Variants in SH3GL3 observed in about 807,000 individuals in gnomAD.
The protein encoded by SH3GL3 is endophilin-A3.
A neutral mutation model predicts 47.7 loss-of-function variants in SH3GL3; 33 were observed. The observed-to-expected ratio is 0.69, with a 90% CI of 0.52 to 0.92. The LOEUF (loss-of-function observed/expected upper bound fraction) is 0.92. Ranked by LOEUF, SH3GL3 falls within the 40% of genes least tolerant of loss-of-function variation. The pLI is 0.00. For missense variants in SH3GL3, 363 were observed against 417.8 expected, an observed-to-expected ratio of 0.87 and a Z score of 1.14; for synonymous variants, 155 against 148.8, an observed-to-expected ratio of 1.04 and a Z score of -0.30.
intron 1 of SH3GL3, among the ~76,000 whole-genome samples, chr15:83,489,811 G>A (rs1239242157): frequency 6.6e-6 from 1 of 151,690 alleles, no homozygotes; most frequent in Non-Finnish European, 1.5e-5. Flanking sequence ...TATTGTTGGT[G>A]CAGTTTAGTA....
intron 1 of SH3GL3, among the ~76,000 whole-genome samples, chr15:83,488,583 G>A (rs936907837): frequency 4.6e-5 from 7 of 152,210 alleles, no homozygotes; most frequent in Non-Finnish European, 1.0e-4. Context: ...TTACTTTCAT[G>A]CGGGGGAAAA....
the SH3GL3 span, among the ~76,000 whole-genome samples, chr15:83,626,537 G>C: frequency 6.6e-6 from 1 of 152,170 alleles, no homozygotes; most frequent in South Asian, 2.1e-4. Context: ...TCCAGTATTG[G>C]CTTCTCCAGG....
intron 6 of SH3GL3, among the ~76,000 whole-genome samples, chr15:83,585,461 A>G (rs1232286742): frequency 6.6e-6 from 1 of 152,228 alleles, no homozygotes; most frequent in African/African-American, 2.4e-5. Context: ...GGGTAATAAG[A>G]CAGGGCAAAT....
chr15:83,592,494 T>A (rs975503978), intron 8 of SH3GL3, among the ~76,000 whole-genome samples: 1 of 145,688 alleles, frequency 6.9e-6, no homozygotes, highest in East Asian at 2.1e-4. Context: ...GTAGTCAAAA[T>A]GCTAAGACCC....
At chr15:83,625,520 T>C in the SH3GL3 span, among the ~76,000 whole-genome samples, 1 of 152,204 alleles carries the variant, frequency 6.6e-6, no homozygotes, top group Non-Finnish European at 1.5e-5. Context: ...GCCAGTCAAA[T>C]TCTTCCCCAG....
At chr15:83,629,991 GT>G in the SH3GL3 span, among the ~76,000 whole-genome samples, 1 of 152,200 alleles carries the variant, frequency 6.6e-6, no homozygotes, top group Non-Finnish European at 1.5e-5. Context: ...CCAGTGAGAG[GT>G]AATTGAATCG....
chr15:83,609,551 T>C, intron 8 of SH3GL3: 1 of 312,628 alleles, frequency 3.2e-6, no homozygotes, highest in Non-Finnish European at 6.4e-6. Flanking sequence ...TCTCTCTCCA[T>C]CCCCTTTGCC....
At chr15:83,548,415 A>G (rs1232767449) in intron 1 of SH3GL3, among the ~76,000 whole-genome samples, 1 of 150,426 alleles carries the variant, frequency 6.6e-6, no homozygotes, top group Admixed American at 6.6e-5. Context: ...ATAAATGTGT[A>G]TATATATAAT....
intron 1 of SH3GL3, among the ~76,000 whole-genome samples, chr15:83,508,459 G>A (rs1196692723): frequency 6.6e-6 from 1 of 152,116 alleles, no homozygotes; most frequent in East Asian, 1.9e-4. Flanking sequence ...AGTCAAGGTT[G>A]GTTAGGGAGG....
At chr15:83,465,877 T>C (rs1211615379) in intron 1 of SH3GL3, among the ~76,000 whole-genome samples, 2 of 152,200 alleles carry the variant, frequency 1.3e-5, no homozygotes, top group Non-Finnish European at 2.9e-5. Context: ...TACCAATCTC[T>C]TGTATCCTTT....
intron 1 of SH3GL3, among the ~76,000 whole-genome samples, chr15:83,544,561 A>G (rs11635365): frequency 0.39 from 59,205 of 151,906 alleles, 12,080 homozygotes; most frequent in African/African-American, 0.49. Context: ...TATAGTCTGT[A>G]TTTGTCTATG....
At chr15:83,526,186 G>A (rs892642939) in intron 1 of SH3GL3, among the ~76,000 whole-genome samples, 1 of 152,136 alleles carries the variant, frequency 6.6e-6, no homozygotes, top group East Asian at 1.9e-4. Flanking sequence ...ATGCTGGTGA[G>A]GTTGAGGAGA....
intron 2 of SH3GL3, among the ~76,000 whole-genome samples, chr15:83,563,153 A>G (rs1436612168): frequency 2.0e-5 from 3 of 152,218 alleles, no homozygotes; most frequent in African/African-American, 7.2e-5. Context: ...CTAAATTACA[A>G]AAATGATTTG....
Position 83,447,448 on chromosome 15 carries a change from C to T in SH3GL3, c.-86C>T. 1.7e-6 allele frequency: 2 copies of T among 1,210,700 alleles called. No individual in the cohort carries two copies. Among genetic ancestry groups the T allele is most frequent in the Non-Finnish European group, 2.2e-6 (2 of 928,266 alleles). The allele number at this position is 1,210,700 out of a possible 1,614,324, so 75.0% of individuals were successfully genotyped here. A position where few individuals can be genotyped will look rare whatever the true frequency, so the allele number is the denominator to read the frequency against. Reference sequence around the variant, plus strand: ...CGGAGCCCAGCCGCGGGGGGACCGGCCCGGGCTCCCGCTCCCCGAGCGCGT... The same window carrying T: ...CGGAGCCCAGCCGCGGGGGGACCGGTCCGGGCTCCCGCTCCCCGAGCGCGT... On this transcript the variant is annotated 5_prime_UTR_variant, in exon 1 of 9. Transcript: ENST00000427482. This position sits in a 1 kb window ranked among gnomAD's most constrained non-coding sequence, Gnocchi z 5.1.
At chr15:83,566,365 A>AGTGTGT (rs57323112) in intron 3 of SH3GL3, among the ~76,000 whole-genome samples, 403 of 136,678 alleles carry the variant, frequency 2.9e-3, no homozygotes, top group South Asian at 9.4e-3. Flanking sequence ...AGAGAGAGAG[A>AGTGTGT]GTGTGTGTGT....
intron 1 of SH3GL3, among the ~76,000 whole-genome samples, chr15:83,518,344 C>T (rs112928098): frequency 4.8e-4 from 73 of 152,310 alleles, no homozygotes; most frequent in Non-Finnish European, 9.1e-4. Context: ...AACTAATTTG[C>T]ATTCCCACTA....
At chr15:83,633,147 C>T in the SH3GL3 span, among the ~76,000 whole-genome samples, 1 of 150,720 alleles carries the variant, frequency 6.6e-6, no homozygotes, top group South Asian at 2.1e-4. Context: ...ATAGGAAAAC[C>T]GATGCAAAAT....
chr15:83,568,795 T>G, intron 4 of SH3GL3, 123 bp downstream of exon 4: 1 of 638,214 alleles, frequency 1.6e-6, no homozygotes, highest in Admixed American at 3.0e-5. Context: ...TAATACATGT[T>G]AATTGCAGGA....
chr15:83,457,108 A>G (rs1405398548), intron 1 of SH3GL3, among the ~76,000 whole-genome samples: 1 of 152,208 alleles, frequency 6.6e-6, no homozygotes, highest in Admixed American at 6.5e-5. Flanking sequence ...ATTGTTGAAG[A>G]AGGAAGTTCA....
Sources: gnomAD v4.1 joint callset for allele counts (sites outside exome capture counted in the v4.1 genomes callset) on GRCh38, gnomAD v4.1.1 for gene constraint, Gnocchi (gnomAD v3.1) non-coding constraint, MANE v1.5 for transcripts, NCBI Gene and HGNC (gene_info 2026-07-23, HGNC 2026-07-21) for gene names.